The following PCDH15 variants were observed in gnomAD, a reference collection of about 807,000 sequenced individuals.
PCDH15 encodes protocadherin-15.
A neutral mutation model predicts 178.5 loss-of-function variants in PCDH15; 129 were observed. The observed-to-expected ratio is 0.72, with a 90% CI of 0.63 to 0.84. The LOEUF (loss-of-function observed/expected upper bound fraction) is 0.84. PCDH15 is among the 40% of genes least tolerant of loss of function. The pLI is 0.00. For missense variants in PCDH15, 2,230 were observed against 2,099.9 expected, an observed-to-expected ratio of 1.06 and a Z score of -1.21; for synonymous variants, 800 against 732.0, an observed-to-expected ratio of 1.09 and a Z score of -1.50.
At chr10:54,546,871 A>C (rs2133091328) in intron 2 of PCDH15, among the ~76,000 whole-genome samples, 1 of 152,302 alleles carries the variant, frequency 6.6e-6, no homozygotes, top group East Asian at 1.9e-4. Flanking sequence ...GAAATTTGAC[A>C]TATGGCACTG....
chr10:54,251,067 T>C (rs2056431863), intron 8 of PCDH15, among the ~76,000 whole-genome samples: 1 of 152,234 alleles, frequency 6.6e-6, no homozygotes. Context: ...GAAGATAATA[T>C]GAATCCTTGT....
chr10:53,950,467 G>A (rs1397749516), intron 23 of PCDH15, among the ~76,000 whole-genome samples: 1 of 152,086 alleles, frequency 6.6e-6, no homozygotes, highest in African/African-American at 2.4e-5. Flanking sequence ...TATATAGGTG[G>A]CATATATCTT....
intron 18 of PCDH15, among the ~76,000 whole-genome samples, chr10:54,029,715 TGAAAAGG>T (rs912964922): frequency 6.6e-6 from 1 of 152,200 alleles, no homozygotes; most frequent in African/African-American, 2.4e-5. Context: ...GCATGCCACT[TGAAAAGG>T]GAAAAGGGAA....
intron 19 of PCDH15, among the ~76,000 whole-genome samples, chr10:54,022,125 T>C (rs939128864): frequency 6.6e-6 from 1 of 151,974 alleles, no homozygotes; most frequent in African/African-American, 2.4e-5. Flanking sequence ...CTACTTTTTT[T>C]TTTTTCCAAA....
At chr10:54,874,422 G>T (rs575638711) in intron 3 of PCDH15, among the ~76,000 whole-genome samples, 2 of 150,700 alleles carry the variant, frequency 1.3e-5, no homozygotes, top group African/African-American at 2.4e-5. Context: ...GAATAATGCT[G>T]CAATAAACAT....
rs542006869 is a variant in PCDH15 at position 55,186,851 on chromosome 10, T to C, written c.-155-20200A>G. 2.0e-5 allele frequency among the ~76,000 whole-genome samples: 3 copies of C among 151,908 alleles called. No individual in the cohort carries two copies. In the East Asian group the frequency reaches 5.8e-4, roughly 29 times the overall value. On this transcript the variant is annotated intron_variant, in intron 1 of 5. Coordinates refer to the PCDH15 transcript ENST00000458638. ...CATCAGATACTGTTTTATGCTTCAG[T>C]ACTTAGTTGGTAAAATTTAAATTCA...
intron 15 of PCDH15, among the ~76,000 whole-genome samples, chr10:54,101,033 G>T (rs1040311348): frequency 6.6e-6 from 1 of 152,110 alleles, no homozygotes; most frequent in Non-Finnish European, 1.5e-5. Context: ...CCCAAATCTC[G>T]TCTTTAATTC....
intron 5 of PCDH15, among the ~76,000 whole-genome samples, chr10:54,362,822 A>T (rs1946254003): frequency 6.6e-6 from 1 of 152,084 alleles, no homozygotes; most frequent in African/African-American, 2.4e-5. Context: ...TTTCTCTCTA[A>T]TGTTTTATAA....
intron 8 of PCDH15, among the ~76,000 whole-genome samples, chr10:54,262,940 G>A (rs2057424238): frequency 6.9e-6 from 1 of 144,378 alleles, no homozygotes; most frequent in African/African-American, 2.8e-5. Context: ...GAGCTAGGCA[G>A]ACACCATGGT....
At chr10:54,176,283 G>A (rs577927126) in intron 13 of PCDH15, among the ~76,000 whole-genome samples, 10 of 152,242 alleles carry the variant, frequency 6.6e-5, no homozygotes, top group Non-Finnish European at 1.2e-4. Context: ...AGACAGACAC[G>A]TAAAAGTTAG....
At chr10:55,361,182 T>TTGG (rs796189448) in intron 2 of PCDH15, among the ~76,000 whole-genome samples, 24 of 152,076 alleles carry the variant, frequency 1.6e-4, no homozygotes, top group African/African-American at 5.3e-4. Context: ...GTGGTTATCC[T>TTGG]TGGTGGTGGT....
intron 2 of PCDH15, chr10:55,468,292 T>G (rs894519772): frequency 6.6e-6 from 1 of 152,128 alleles, no homozygotes; most frequent in Non-Finnish European, 1.5e-5. Flanking sequence ...TGTTAGGGCA[T>G]TAGATCACAA....
chr10:53,856,075 A>G (rs2078722549), intron 28 of PCDH15, among the ~76,000 whole-genome samples: 1 of 151,290 alleles, frequency 6.6e-6, no homozygotes, highest in Non-Finnish European at 1.5e-5. Context: ...AAACTAAGCT[A>G]TGAGGACTCA....
chr10:54,186,331 T>C (rs1485690266), intron 11 of PCDH15, among the ~76,000 whole-genome samples: 1 of 151,910 alleles, frequency 6.6e-6, no homozygotes, highest in Non-Finnish European at 1.5e-5. Flanking sequence ...GAATAGAAAA[T>C]TGTTAAATGT....
Position 53,806,842 on chromosome 10 carries a change from A to ATGTGT in PCDH15, c.4955_4959dup (p.Leu1654ThrfsTer13), listed in dbSNP as rs1003847739. On this transcript the variant is annotated frameshift_variant, in exon 38 of 38. Coordinates refer to ENST00000644397, the MANE Select transcript of PCDH15 (RefSeq NM_001384140.1). LOFTEE classifies it high-confidence loss of function. ...TCAGTAGAAAATGGCCCCTTTGATA[A>ATGTGT]TGTGTTCAGAGGTACATTCTCCTCA... 1.2e-6 allele frequency: 2 copies of ATGTGT among 1,613,722 alleles called. No individual in the cohort carries two copies. The highest frequency in any genetic ancestry group is 1.7e-6 in the Non-Finnish European group (2 of 1,179,830).
At chr10:55,349,153 T>C (rs1390195963) in intron 2 of PCDH15, among the ~76,000 whole-genome samples, 2 of 152,110 alleles carry the variant, frequency 1.3e-5, no homozygotes, top group African/African-American at 2.4e-5. Context: ...TCTGTAGTCA[T>C]GGACCAGGAA....
At chr10:55,279,891 T>A (rs140803507) in intron 1 of PCDH15, among the ~76,000 whole-genome samples, 167 of 152,338 alleles carry the variant, frequency 1.1e-3, no homozygotes, top group African/African-American at 3.9e-3. Flanking sequence ...CGATTTTCTA[T>A]ATTAACTTAC....
chr10:55,063,469 T>G (rs559016388), intron 2 of PCDH15, among the ~76,000 whole-genome samples: 24 of 152,224 alleles, frequency 1.6e-4, no homozygotes, highest in Middle Eastern at 6.8e-3. Context: ...CAGAATATAA[T>G]TTTATTGTGC....
At chr10:55,526,293 A>G (rs1035276212) in intron 2 of PCDH15, among the ~76,000 whole-genome samples, 4 of 152,020 alleles carry the variant, frequency 2.6e-5, no homozygotes, top group African/African-American at 9.7e-5. Context: ...AGTTTAAGAC[A>G]AATTCATCTG....
Sources: allele counts gnomAD v4.1 joint callset (sites outside exome capture counted in the v4.1 genomes callset), GRCh38; gene constraint gnomAD v4.1.1; transcripts MANE v1.5; gene names NCBI Gene and HGNC (gene_info 2026-07-23, HGNC 2026-07-21).